NDUFS4: variants seen among roughly 807,000 people sequenced by gnomAD.
NDUFS4 encodes NADH:ubiquinone oxidoreductase subunit S4.
NDUFS4 carries 28 observed loss-of-function variants against 24.3 expected under a neutral mutation model. The ratio of observed to expected loss-of-function variants is 1.15; its 90% CI spans 0.85 to 1.58. NDUFS4 has a LOEUF of 1.58. Among genes scored for constraint, NDUFS4 ranks in the 40% most tolerant of loss-of-function variants. The pLI, the probability that NDUFS4 is intolerant of heterozygous loss-of-function variation, is 0.00. For missense variants in NDUFS4, 223 were observed against 207.9 expected, an observed-to-expected ratio of 1.07 and a Z score of -0.45; for synonymous variants, 93 against 69.7, an observed-to-expected ratio of 1.34 and a Z score of -1.67.
chr5:53,613,135 A>G (rs1045360620), intron 2 of NDUFS4, among the ~76,000 whole-genome samples: 1 of 151,400 alleles, frequency 6.6e-6, no homozygotes, highest in Non-Finnish European at 1.5e-5. Context: ...TTTTGGTGAG[A>G]TTACTTTCTT....
intron 1 of NDUFS4, among the ~76,000 whole-genome samples, chr5:53,561,822 G>A (rs1474511225): frequency 6.6e-6 from 1 of 152,080 alleles, no homozygotes; most frequent in East Asian, 1.9e-4. Context: ...AGTGGGTGTT[G>A]GGTGGGAAAG....
At chr5:53,636,568 AT>A (rs1042109189) in intron 2 of NDUFS4, among the ~76,000 whole-genome samples, 9 of 152,190 alleles carry the variant, frequency 5.9e-5, no homozygotes, top group African/African-American at 1.9e-4. Context: ...AGTCATTCTC[AT>A]TTTTATCAAA....
At chr5:53,657,077 A>G (rs1045713347) in intron 3 of NDUFS4, among the ~76,000 whole-genome samples, 1 of 152,180 alleles carries the variant, frequency 6.6e-6, no homozygotes, top group East Asian at 1.9e-4. Context: ...AATAAAGGCT[A>G]TACCATCTTT....
Position 53,633,077 on chromosome 5 carries a change from G to A in NDUFS4, c.178-13156G>A, listed in dbSNP as rs565865624. ...GTCGTATGCTTTATCAAGACTCAGCGAGCTTACTTCCATACCTGTCTCTGC... is the reference window on the plus strand; with the variant it reads ...GTCGTATGCTTTATCAAGACTCAGCAAGCTTACTTCCATACCTGTCTCTGC... On this transcript the variant is annotated intron_variant, in intron 2 of 4. Transcript: ENST00000296684. Among the ~76,000 whole-genome samples the A allele has an allele frequency of 1.6e-4, 25 of 152,248 alleles. No individual in the cohort carries two copies. The South Asian group carries it at 4.6e-3, about 28-fold the overall frequency.
Position 53,672,699 on chromosome 5 carries a change from C to A in NDUFS4, c.425-10419C>A, listed in dbSNP as rs180821884. On this transcript the variant is annotated intron_variant, in intron 4 of 4. Coordinates refer to ENST00000296684, the MANE Select transcript of NDUFS4 (RefSeq NM_002495.4). ...AAAATAACATTGGTATGATATTTAG[C>A]CTTATTTACATAGGTGTAGCAAGAG... is the stretch of plus-strand genomic sequence containing the variant. Among the ~76,000 whole-genome samples the A allele has an allele frequency of 1.1e-4, 17 of 151,852 alleles. No individual in the cohort carries two copies. The East Asian group carries it at 3.3e-3, about 29-fold the overall frequency.
At chr5:53,664,089 T>C (rs977452973) in intron 4 of NDUFS4, among the ~76,000 whole-genome samples, 1 of 152,218 alleles carries the variant, frequency 6.6e-6, no homozygotes, top group Non-Finnish European at 1.5e-5. Flanking sequence ...CCTTCACTTA[T>C]GAAGCTTAGT....
At chr5:53,648,919 G>A (rs146511457) in intron 3 of NDUFS4, among the ~76,000 whole-genome samples, 3 of 152,158 alleles carry the variant, frequency 2.0e-5, no homozygotes, top group Non-Finnish European at 4.4e-5. Flanking sequence ...GGTGGTTGTG[G>A]TAGGTAGAAT....
chr5:53,599,075 C>T (rs997566965), intron 1 of NDUFS4, among the ~76,000 whole-genome samples: 2 of 152,040 alleles, frequency 1.3e-5, no homozygotes, highest in African/African-American at 4.8e-5. Context: ...GTAAAATTAC[C>T]ATTTATTTTC....
At chr5:53,568,190 C>G (rs767545896) in intron 1 of NDUFS4, among the ~76,000 whole-genome samples, 10 of 152,088 alleles carry the variant, frequency 6.6e-5, no homozygotes, top group Non-Finnish European at 1.2e-4. Context: ...TGTCTGTACT[C>G]ACTAGACTTA....
chr5:53,674,478 AAC>A (rs1459174313), intron 4 of NDUFS4, among the ~76,000 whole-genome samples: 5 of 152,322 alleles, frequency 3.3e-5, no homozygotes, highest in African/African-American at 1.2e-4. Flanking sequence ...GCATGTCCTG[AAC>A]CCTATCATTA....
intron 2 of NDUFS4, among the ~76,000 whole-genome samples, chr5:53,611,669 G>A (rs937543352): frequency 2.0e-5 from 3 of 151,916 alleles, no homozygotes; most frequent in Admixed American, 6.6e-5. Context: ...CTTATAAATG[G>A]TTGTTTGCTT....
chr5:53,566,973 C>T (rs900921138), intron 1 of NDUFS4, among the ~76,000 whole-genome samples: 19 of 151,670 alleles, frequency 1.3e-4, no homozygotes, highest in African/African-American at 4.1e-4. Flanking sequence ...CTCAGCCTCC[C>T]GAGTAGCTGG....
At chr5:53,603,336 C>CCTT (rs1554055709) in intron 1 of NDUFS4, 116 bp from the exon 2 acceptor site, 1 of 508,614 alleles carries the variant, frequency 2.0e-6, no homozygotes, top group Non-Finnish European at 3.4e-6. Context: ...CTTTCCTTTC[C>CCTT]TTTTTTTTTT....
intron 3 of NDUFS4, among the ~76,000 whole-genome samples, chr5:53,648,591 G>T (rs1751928036): frequency 6.6e-6 from 1 of 152,114 alleles, no homozygotes; most frequent in Non-Finnish European, 1.5e-5. Context: ...CTGTAAGAAT[G>T]GTCATATACA....
At chr5:53,628,769 C>G (rs1226315583) in intron 2 of NDUFS4, among the ~76,000 whole-genome samples, 1 of 151,850 alleles carries the variant, frequency 6.6e-6, no homozygotes, top group East Asian at 1.9e-4. Flanking sequence ...CTTCTCTCTT[C>G]TTTGTTAGTC....
At chr5:53,595,744 C>A (rs1561350785) in intron 1 of NDUFS4, among the ~76,000 whole-genome samples, 1 of 152,156 alleles carries the variant, frequency 6.6e-6, no homozygotes, top group Non-Finnish European at 1.5e-5. Context: ...CCCTCTTGCA[C>A]AAATCTTTCT....
At chr5:53,611,123 A>C (rs568307269) in intron 2 of NDUFS4, among the ~76,000 whole-genome samples, 2 of 151,792 alleles carry the variant, frequency 1.3e-5, no homozygotes, top group Admixed American at 1.3e-4. Flanking sequence ...AGAATTTTCT[A>C]TACAGTATAC....
intron 2 of NDUFS4, among the ~76,000 whole-genome samples, chr5:53,643,754 A>C (rs940608286): frequency 6.6e-6 from 1 of 152,118 alleles, no homozygotes; most frequent in Non-Finnish European, 1.5e-5. Flanking sequence ...TGTCAAGTAT[A>C]TGAGAGATGC....
chr5:53,564,180 C>T (rs1288082746), intron 1 of NDUFS4, among the ~76,000 whole-genome samples: 1 of 152,130 alleles, frequency 6.6e-6, no homozygotes, highest in African/African-American at 2.4e-5. Flanking sequence ...TATAAGCTAG[C>T]ATGAAATTGA....
Sources: allele counts gnomAD v4.1 joint callset (sites outside exome capture counted in the v4.1 genomes callset), GRCh38; gene constraint gnomAD v4.1.1; transcripts MANE v1.5; gene names NCBI Gene and HGNC (gene_info 2026-07-23, HGNC 2026-07-21).